The following AUTS2 variants were observed in gnomAD, a reference collection of about 807,000 sequenced individuals.
AUTS2 encodes activator of transcription and developmental regulator AUTS2, also known as autism susceptibility gene 2 protein.
Under a neutral mutation model 112.4 loss-of-function variants are expected in AUTS2, and 17 were observed. That is an observed-to-expected ratio of 0.15 (90% confidence interval 0.10 to 0.23). The LOEUF is 0.23. Among genes scored for constraint, AUTS2 ranks in the 10% least tolerant of loss-of-function variants. The pLI is 1.00. For missense variants in AUTS2, 1,510 were observed against 1,701.6 expected (o/e 0.89, Z 1.98); for synonymous variants, 751 against 702.7 (o/e 1.07, Z -1.09).
chr7:69,599,664 C>T lies in AUTS2; in HGVS notation c.11C>T (p.Pro4Leu), dbSNP rs200189077. The T allele has an allele frequency of 4.6e-3, 6,003 of 1,304,368 alleles. 24 individuals are homozygous for T. Among genetic ancestry groups the T allele is most frequent in the Non-Finnish European group, 5.4e-3 (5,604 of 1,030,432 alleles). The allele number at this position is 1,304,368 out of a possible 1,614,324, so 80.8% of individuals were successfully genotyped here. Reference protein sequence around the residue: MDGPTRGHGLRKKR... With the variant: MDGLTRGHGLRKKR... ...CGGCGCAGCAGAACCATGGATGGCC[C>T]GACGCGGGGCCATGGACTCCGCAAA... Residue 4 changes from proline to leucine, a missense_variant, in exon 1 of 19, where the codon CCG becomes CTG. By Grantham distance (98) the Pro-to-Leu change is moderately conservative. Coordinates refer to ENST00000342771, the MANE Select transcript of AUTS2 (RefSeq NM_015570.4). The surrounding 1 kb of genome is among the most constrained non-coding windows in gnomAD (Gnocchi z 7.0).
chr7:70,645,780 T>C (rs1806128124), intron 5 of AUTS2, among the ~76,000 whole-genome samples: 1 of 152,170 alleles, frequency 6.6e-6, no homozygotes. Flanking sequence ...ATGTCACAAA[T>C]CATCAAGTCT....
chr7:70,189,535 A>G (rs1481832973), intron 4 of AUTS2, among the ~76,000 whole-genome samples: 1 of 152,214 alleles, frequency 6.6e-6, no homozygotes, highest in African/African-American at 2.4e-5. Flanking sequence ...GCTTGGTGCT[A>G]GATTAATGCC....
At chr7:70,525,009 C>T (rs1799784246) in intron 5 of AUTS2, among the ~76,000 whole-genome samples, 1 of 152,178 alleles carries the variant, frequency 6.6e-6, no homozygotes, top group African/African-American at 2.4e-5. Context: ...GTTCTTTTCC[C>T]TCTTGGTCGG....
chr7:69,743,870 C>CTAT (rs1787371044), intron 1 of AUTS2, among the ~76,000 whole-genome samples: 1 of 152,148 alleles, frequency 6.6e-6, no homozygotes, highest in Non-Finnish European at 1.5e-5. Context: ...GATCATAGCT[C>CTAT]ACTATAACTT....
At chr7:70,263,212 G>A (rs1279732607) in intron 4 of AUTS2, among the ~76,000 whole-genome samples, 1 of 152,102 alleles carries the variant, frequency 6.6e-6, no homozygotes, top group Non-Finnish European at 1.5e-5. Context: ...GGACCAAGTA[G>A]CAAACTAGAA....
chr7:70,431,464 C>G (rs1437066086), intron 4 of AUTS2, among the ~76,000 whole-genome samples: 1 of 152,186 alleles, frequency 6.6e-6, no homozygotes, highest in Non-Finnish European at 1.5e-5. Flanking sequence ...CAGCTCACTA[C>G]AACCTCCGTC....
At chr7:69,904,414 A>T (rs1795079198) in intron 2 of AUTS2, among the ~76,000 whole-genome samples, 1 of 152,214 alleles carries the variant, frequency 6.6e-6, no homozygotes, top group Non-Finnish European at 1.5e-5. Context: ...TTAGTTTTGG[A>T]TGGAAATCTA....
At chr7:70,621,074 G>A (rs943671470) in intron 5 of AUTS2, among the ~76,000 whole-genome samples, 12 of 152,210 alleles carry the variant, frequency 7.9e-5, no homozygotes, top group African/African-American at 2.9e-4. Flanking sequence ...AGGAAGAGCA[G>A]CAGCTTATTT....
In AUTS2 at chr7:69,599,733, G is replaced by C; in HGVS notation, c.80G>C (p.Arg27Pro). The part of the protein sequence containing the change: ...RSQRDRERRS[R>P]GGLGAGAAGG... ...CAGCGAGACCGGGAGAGGCGCTCCC[G>C]GGGCGGGCTGGGGGCCGGCGCGGCC... Residue 27 changes from arginine (R) to proline (P), a missense_variant, in exon 1 of 19, where the codon CGG becomes CCG. By Grantham distance (103) the Arg-to-Pro change is moderately radical. Around this residue, in one of 3 missense-constraint regions of AUTS2, gnomAD observed 535 missense variants for 594.3 expected, o/e 0.90. Transcript: ENST00000342771. This position sits in a 1 kb window ranked among gnomAD's most constrained non-coding sequence, Gnocchi z 7.0. 7.6e-7 allele frequency: 1 copy of C among 1,324,384 alleles called. No homozygotes were observed. Among genetic ancestry groups the C allele is most frequent in the Non-Finnish European group, 9.6e-7 (1 of 1,042,646 alleles). The allele number at this position is 1,324,384 out of a possible 1,614,324, so 82.0% of individuals were successfully genotyped here. A position where few individuals can be genotyped will look rare whatever the true frequency, so the allele number is the denominator to read the frequency against.
At chr7:69,814,736 T>TG (rs1470659063) in intron 1 of AUTS2, among the ~76,000 whole-genome samples, 2 of 152,230 alleles carry the variant, frequency 1.3e-5, no homozygotes, top group Admixed American at 6.5e-5. Flanking sequence ...GTGCACAGCG[T>TG]GTGCCCAGCG....
At chr7:69,923,868 A>G (rs1049958655) in intron 2 of AUTS2, among the ~76,000 whole-genome samples, 17 of 152,290 alleles carry the variant, frequency 1.1e-4, no homozygotes, top group African/African-American at 4.1e-4. Context: ...GATTTTCTAC[A>G]TGGATGATCA....
intron 1 of AUTS2, among the ~76,000 whole-genome samples, chr7:69,864,959 A>G (rs994357887): frequency 2.0e-5 from 3 of 151,986 alleles, no homozygotes; most frequent in African/African-American, 7.3e-5. Context: ...TACACACATT[A>G]TGTAAGTTTC....
At chr7:70,168,244 G>A (rs1222011482) in intron 4 of AUTS2, among the ~76,000 whole-genome samples, 1 of 152,152 alleles carries the variant, frequency 6.6e-6, no homozygotes, top group Admixed American at 6.5e-5. Flanking sequence ...GTGACCATCA[G>A]TCTGTCTACA....
At chr7:70,101,929 G>A (rs1452825212) in intron 2 of AUTS2, among the ~76,000 whole-genome samples, 4 of 151,986 alleles carry the variant, frequency 2.6e-5, no homozygotes, top group Non-Finnish European at 1.5e-5. Context: ...GTAAGTACTG[G>A]ACAGATATCA....
At chr7:70,050,514 G>A (rs1329219388) in intron 2 of AUTS2, among the ~76,000 whole-genome samples, 6 of 151,976 alleles carry the variant, frequency 3.9e-5, no homozygotes, top group Non-Finnish European at 7.4e-5. Flanking sequence ...TCTGTTATTA[G>A]CCTTCTTGTG....
intron 1 of AUTS2, among the ~76,000 whole-genome samples, chr7:69,718,748 A>G (rs559278312): frequency 5.1e-4 from 77 of 152,180 alleles, no homozygotes; most frequent in African/African-American, 1.8e-3. Flanking sequence ...TTGGGGAGCC[A>G]TTATTTCTAC....
intron 5 of AUTS2, among the ~76,000 whole-genome samples, chr7:70,626,681 A>G (rs1353120279): frequency 6.6e-6 from 1 of 152,106 alleles, no homozygotes; most frequent in African/African-American, 2.4e-5. Flanking sequence ...CTCGCCTCTC[A>G]TAGACCCCAA....
At chr7:69,932,975 G>T (rs931182597) in intron 2 of AUTS2, among the ~76,000 whole-genome samples, 1 of 152,162 alleles carries the variant, frequency 6.6e-6, no homozygotes, top group Non-Finnish European at 1.5e-5. Flanking sequence ...GACACATTTT[G>T]CCCCAGTGAA....
intron 1 of AUTS2, among the ~76,000 whole-genome samples, chr7:69,764,398 TTTAAG>T (rs1424120285): frequency 6.6e-6 from 1 of 151,832 alleles, no homozygotes; most frequent in Non-Finnish European, 1.5e-5. Flanking sequence ...TTCTTTTTCC[TTTAAG>T]TTAAATTCTC....
Sources: allele counts gnomAD v4.1 joint callset (sites outside exome capture counted in the v4.1 genomes callset), GRCh38; gene constraint gnomAD v4.1.1; regional missense constraint gnomAD v4.1.1; non-coding constraint Gnocchi (gnomAD v3.1); transcripts MANE v1.5; gene names NCBI Gene and HGNC (gene_info 2026-07-23, HGNC 2026-07-21).